Variants in MIA2 observed in about 807,000 individuals in gnomAD.
MIA2 encodes MIA SH3 domain ER export factor 2, also known as melanoma inhibitory activity protein 2.
A neutral mutation model predicts 167.8 loss-of-function variants in MIA2; 127 were observed. The ratio of observed to expected loss-of-function variants is 0.76; its 90% CI spans 0.66 to 0.88. The LOEUF (loss-of-function observed/expected upper bound fraction) is 0.88, where lower values mean the gene tolerates loss of function less well. Among genes scored for constraint, MIA2 ranks in the 40% least tolerant of loss-of-function variants. The pLI is 0.00. For missense variants in MIA2, 1,690 were observed against 1,624.7 expected, an observed-to-expected ratio of 1.04 and a Z score of -0.69; for synonymous variants, 552 against 541.9, an observed-to-expected ratio of 1.02 and a Z score of -0.26.
At chr14:39,290,267 C>T (rs1433750398) in intron 9 of MIA2, among the ~76,000 whole-genome samples, 1 of 152,090 alleles carries the variant, frequency 6.6e-6, no homozygotes, top group Non-Finnish European at 1.5e-5. Flanking sequence ...CTGGGGATTC[C>T]CACTTCTCTC....
intron 23 of MIA2, among the ~76,000 whole-genome samples, chr14:39,365,655 CTATCTATCTATCTAT>C (rs762709972): frequency 0.062 from 137 of 2,210 alleles, 2 homozygotes; most frequent in East Asian, 0.27. Context: ...AAATACCTAT[CTATCTATCTATCTAT>C]CTATCTATCT....
chr14:39,294,964 C>A lies in MIA2; in HGVS notation c.2431C>A (p.Arg811=), dbSNP rs778098733. The A allele has an allele frequency of 6.2e-7, 1 of 1,613,334 alleles. No individual in the cohort carries two copies. Among genetic ancestry groups the A allele is most frequent in the African/African-American group, 1.3e-5 (1 of 74,872 alleles). ...TFKIFQMNEE[R]LKIAIKDALN... ...CAAGATATTTCAAATGAATGAAGAA[C>A]GACTGAAGATAGCAATAAAAGATGC... Residue 811 remains arginine, a synonymous_variant, in exon 13 of 29, where the codon CGA becomes AGA. Transcript: ENST00000640607.
chr14:39,235,659 T>C (rs897019487), intron 1 of MIA2, among the ~76,000 whole-genome samples: 6 of 151,972 alleles, frequency 3.9e-5, no homozygotes, highest in Non-Finnish European at 1.5e-5. Flanking sequence ...CAAGCTATAG[T>C]CCCAGCTACT....
At chr14:39,343,230 C>T (rs113366194) in intron 25 of MIA2, among the ~76,000 whole-genome samples, 4 of 152,230 alleles carry the variant, frequency 2.6e-5, no homozygotes, top group African/African-American at 7.2e-5. Flanking sequence ...CTGCAACCTC[C>T]GCCTCCTGGG....
intron 18 of MIA2, among the ~76,000 whole-genome samples, chr14:39,310,064 T>C (rs2063967319): frequency 6.6e-6 from 1 of 152,208 alleles, no homozygotes. Flanking sequence ...TATTTGTGAA[T>C]TGACTTACTA....
At chr14:39,281,526 G>T (rs1442896179) in intron 9 of MIA2, among the ~76,000 whole-genome samples, 1 of 151,150 alleles carries the variant, frequency 6.6e-6, no homozygotes, top group Non-Finnish European at 1.5e-5. Flanking sequence ...GTTTTATTGT[G>T]GCTCTTTTTG....
At chr14:39,318,824 A>C (rs983288302) in intron 22 of MIA2, among the ~76,000 whole-genome samples, 6 of 152,128 alleles carry the variant, frequency 3.9e-5, no homozygotes, top group African/African-American at 1.4e-4. Flanking sequence ...TAATCCAGGC[A>C]CTTTCATTGT....
At chr14:39,317,487 G>C (rs1437094198) in intron 21 of MIA2, among the ~76,000 whole-genome samples, 2 of 152,126 alleles carry the variant, frequency 1.3e-5, no homozygotes, top group Non-Finnish European at 2.9e-5. Context: ...AGTCCATGAG[G>C]CTCTGAACGT....
At chr14:39,368,965 TTAA>T (rs780221647) in intron 23 of MIA2, among the ~76,000 whole-genome samples, 155 of 152,306 alleles carry the variant, frequency 1.0e-3, no homozygotes, top group Middle Eastern at 3.4e-3. Flanking sequence ...TCCTCTGGAG[TTAA>T]TAATTAAATT....
At chr14:39,375,418 AG>A (rs2075025850) in intron 23 of MIA2, among the ~76,000 whole-genome samples, 1 of 152,230 alleles carries the variant, frequency 6.6e-6, no homozygotes, top group Admixed American at 6.5e-5. Flanking sequence ...GATCCAGGCC[AG>A]GCATGGTGGC....
intron 10 of MIA2, 59 bp from the exon 11 acceptor site, chr14:39,293,212 C>A: frequency 8.8e-7 from 1 of 1,137,668 alleles, no homozygotes; most frequent in Non-Finnish European, 1.3e-6. Context: ...TTATGCTCGT[C>A]TGATTTCCCT....
rs771596896 is a variant in MIA2 at position 39,386,838 on chromosome 14, CGT to C, written c.2249-46_2249-45del. The C allele has an allele frequency of 1.5e-4, 140 of 917,144 alleles. No homozygotes were observed. The African/African-American group carries it at 2.0e-3, about 13-fold the overall frequency. The allele number at this position is 917,144 out of a possible 1,614,324, so 56.8% of individuals were successfully genotyped here. Reference sequence around the variant, plus strand: ...GATGACCATAGAATTCTCAGCAACTCGTCTCTCTTCTACTTTAACTCTGAGGC... The same window carrying C: ...GATGACCATAGAATTCTCAGCAACTCCTCTCTTCTACTTTAACTCTGAGGC... On this transcript the variant is annotated intron_variant, in intron 23 of 23. Transcript: ENST00000341502.
At chr14:39,347,081 A>G (rs1044068497) in intron 26 of MIA2, among the ~76,000 whole-genome samples, 1 of 152,118 alleles carries the variant, frequency 6.6e-6, no homozygotes, top group Non-Finnish European at 1.5e-5. Flanking sequence ...AAAAATGACC[A>G]GTAAGACAAG....
At chr14:39,359,283 T>G (rs1595938312) in intron 23 of MIA2, among the ~76,000 whole-genome samples, 2 of 152,184 alleles carry the variant, frequency 1.3e-5, no homozygotes, top group Non-Finnish European at 1.5e-5. Context: ...TGCTGTCGCC[T>G]TGCAGTTTGA....
intron 9 of MIA2, among the ~76,000 whole-genome samples, chr14:39,288,922 G>C (rs1390855719): frequency 1.3e-5 from 2 of 151,970 alleles, no homozygotes; most frequent in Non-Finnish European, 2.9e-5. Flanking sequence ...TTGTTTGTTT[G>C]TTTATTTATT....
rs1280005312 is a variant in MIA2 at position 39,302,131 on chromosome 14, TCTGA to T, written c.2627_2630del (p.Thr876AsnfsTer4). On this transcript the variant is annotated frameshift_variant, in exon 15 of 29. Coordinates refer to ENST00000640607, the MANE Select transcript of MIA2 (RefSeq NM_001329214.4). LOFTEE classifies it high-confidence loss of function. ...TTTCCCCTTTGTTCAATGTCAAGAC[TCTGA>T]CTGAACGCTTGTTAAAGATGAAAGA... is the stretch of plus-strand genomic sequence containing the variant. 1 of 1,613,328 alleles carries T rather than the reference TCTGA, an allele frequency of 6.2e-7. No homozygotes were observed. The highest frequency in any genetic ancestry group is 1.7e-4 in the Middle Eastern group (1 of 6,054).
At chr14:39,311,235 A>C (rs1464122638) in intron 18 of MIA2, among the ~76,000 whole-genome samples, 1 of 152,134 alleles carries the variant, frequency 6.6e-6, no homozygotes, top group Non-Finnish European at 1.5e-5. Flanking sequence ...TTTAACTAGC[A>C]AGTAGTTTAT....
At chr14:39,281,453 T>C (rs116067985) in intron 9 of MIA2, among the ~76,000 whole-genome samples, 1 of 152,166 alleles carries the variant, frequency 6.6e-6, no homozygotes, top group Non-Finnish European at 1.5e-5. Flanking sequence ...CTTATGCCTA[T>C]AATCATCTTT....
At chr14:39,311,132 T>G (rs1430571872) in intron 18 of MIA2, among the ~76,000 whole-genome samples, 1 of 152,180 alleles carries the variant, frequency 6.6e-6, no homozygotes, top group Non-Finnish European at 1.5e-5. Context: ...GGAAACTGAG[T>G]AGTACCCTAG....
Sources: allele counts gnomAD v4.1 joint callset (sites outside exome capture counted in the v4.1 genomes callset), GRCh38; gene constraint gnomAD v4.1.1; transcripts MANE v1.5; gene names NCBI Gene and HGNC (gene_info 2026-07-23, HGNC 2026-07-21).